Variants in LRRC37A2 observed in about 807,000 individuals in gnomAD.
LRRC37A2 encodes leucine-rich repeat-containing protein 37A2.
LRRC37A2 carries 9 observed loss-of-function variants against 68.8 expected under a neutral mutation model. The ratio of observed to expected loss-of-function variants is 0.13; its 90% confidence interval spans 0.08 to 0.23. LRRC37A2 has a LOEUF of 0.23. Among genes scored for constraint, LRRC37A2 ranks in the 10% least tolerant of loss-of-function variants. The probability of loss-of-function intolerance (pLI) is 1.00; values close to 1 mark genes in which losing one functional copy is unlikely to be tolerated. For synonymous variants in LRRC37A2, 63 were observed against 367.6 expected (o/e 0.17, Z 9.48); for missense variants, 168 against 950.4 (o/e 0.18, Z 10.82).
the LRRC37A2 span, among the ~76,000 whole-genome samples, chr17:46,776,739 A>G: frequency 6.6e-6 from 1 of 152,048 alleles, no homozygotes; most frequent in Non-Finnish European, 1.5e-5. Context: ...GCAGCTCAGG[A>G]ACAAGACCCA....
At chr17:46,872,509 C>G in the LRRC37A2 span, 1 of 1,476,740 alleles carries the variant, frequency 6.8e-7, no homozygotes, top group Non-Finnish European at 9.0e-7. Flanking sequence ...TCCTCTCGCT[C>G]TCTCTAGCCT....
chr17:46,816,178 A>AAC, the LRRC37A2 span, among the ~76,000 whole-genome samples: 1 of 125,588 alleles, frequency 8.0e-6, no homozygotes, highest in East Asian at 2.9e-4. Context: ...CCCAGTCATG[A>AAC]ACACAGTCAA....
the LRRC37A2 span, among the ~76,000 whole-genome samples, chr17:46,800,866 G>A: frequency 2.6e-5 from 4 of 152,188 alleles, no homozygotes; most frequent in African/African-American, 4.8e-5. Context: ...GGAAGGCTGC[G>A]CAGAGGAAGT....
chr17:46,862,245 TAAAAAA>T, the LRRC37A2 span, among the ~76,000 whole-genome samples: 21 of 151,480 alleles, frequency 1.4e-4, no homozygotes, highest in African/African-American at 4.8e-4. Context: ...CAAATAAACT[TAAAAAA>T]TAAAAATTAA....
the LRRC37A2 span, among the ~76,000 whole-genome samples, chr17:47,007,469 C>T: frequency 4.6e-5 from 7 of 152,290 alleles, no homozygotes; most frequent in South Asian, 2.1e-4. Flanking sequence ...TGAGCCACTG[C>T]GCCTGGCCGC....
At chr17:46,947,163 A>G in the LRRC37A2 span, among the ~76,000 whole-genome samples, 2 of 152,138 alleles carry the variant, frequency 1.3e-5, no homozygotes, top group Non-Finnish European at 2.9e-5. Flanking sequence ...AGGAACCCTC[A>G]GCTGTCTCTG....
At chr17:46,914,235 G>A in the LRRC37A2 span, among the ~76,000 whole-genome samples, 1 of 152,184 alleles carries the variant, frequency 6.6e-6, no homozygotes, top group Non-Finnish European at 1.5e-5. Flanking sequence ...ATTGGCACAG[G>A]TGGGACACAA....
At chr17:46,384,151 CT>C in the LRRC37A2 span, among the ~76,000 whole-genome samples, 6 of 70,858 alleles carry the variant, frequency 8.5e-5, no homozygotes, top group Admixed American at 1.5e-4. Flanking sequence ...ATCAATAACA[CT>C]GTTTTAATTG....
At chr17:46,877,357 T>C in the LRRC37A2 span, among the ~76,000 whole-genome samples, 1 of 152,220 alleles carries the variant, frequency 6.6e-6, no homozygotes, top group Admixed American at 6.5e-5. Context: ...ATCTGTGCCC[T>C]GGAGCCCTGT....
the LRRC37A2 span, chr17:46,937,859 C>T: frequency 1.3e-5 from 2 of 152,524 alleles, no homozygotes; most frequent in African/African-American, 2.4e-5. Flanking sequence ...CCATTGTTTT[C>T]AGTATGTATT....
At chr17:46,930,547 A>G in the LRRC37A2 span, 20 of 154,352 alleles carry the variant, frequency 1.3e-4, no homozygotes, top group African/African-American at 4.6e-4. Flanking sequence ...GGGGACGTCA[A>G]CATTGCTCAG....
At chr17:46,902,812 C>G in the LRRC37A2 span, among the ~76,000 whole-genome samples, 30 of 152,168 alleles carry the variant, frequency 2.0e-4, 1 homozygote, top group Admixed American at 2.0e-3. Flanking sequence ...CCGTTCTCCC[C>G]TGGGGAAGGG....
chr17:46,914,603 A>C, the LRRC37A2 span, among the ~76,000 whole-genome samples: 1 of 138,954 alleles, frequency 7.2e-6, no homozygotes, highest in Non-Finnish European at 1.5e-5. Flanking sequence ...GTGAGCTTAG[A>C]TCATGCCACT....
the LRRC37A2 span, chr17:46,768,267 C>T: frequency 6.2e-7 from 1 of 1,610,846 alleles, no homozygotes; most frequent in South Asian, 1.1e-5. The surrounding 1 kb of genome is among the most constrained non-coding windows in gnomAD (Gnocchi z 5.0). Flanking sequence ...ACCCCATTCC[C>T]TGCGCCCAGG....
the LRRC37A2 span, among the ~76,000 whole-genome samples, chr17:46,709,967 T>A: frequency 6.6e-6 from 1 of 152,130 alleles, no homozygotes; most frequent in Admixed American, 6.5e-5. Flanking sequence ...GTCTGAAAAA[T>A]TATTTTGTGG....
At chr17:47,033,840 G>T in the LRRC37A2 span, among the ~76,000 whole-genome samples, 5 of 152,166 alleles carry the variant, frequency 3.3e-5, no homozygotes, top group Admixed American at 1.3e-4. Flanking sequence ...ATCTAATAAG[G>T]CATATTTAAT....
the LRRC37A2 span, among the ~76,000 whole-genome samples, chr17:46,817,189 G>A: frequency 6.6e-5 from 10 of 152,158 alleles, no homozygotes; most frequent in South Asian, 2.1e-4. Context: ...TGGAAGACTC[G>A]GGGTGTGGCC....
chr17:46,970,696 T>C, the LRRC37A2 span, among the ~76,000 whole-genome samples: 1 of 152,132 alleles, frequency 6.6e-6, no homozygotes, highest in Non-Finnish European at 1.5e-5. Flanking sequence ...GGACGGGGGC[T>C]CAGAGACCCG....
At position 46,521,073 on chromosome 17, in the gene LRRC37A2, T is replaced by C. The variant is rs1373992461; in HGVS notation, c.2753+790T>C. On this transcript the variant is annotated intron_variant, in intron 4 of 14. Transcript: ENST00000576629. ...CTGGTAGAGCTAGAAATGTTTACAC[T>C]AAGAAGCACATCAGAAATGCCCCTA... Among the ~76,000 whole-genome samples, 3 of 79,402 alleles carry C rather than the reference T, an allele frequency of 3.8e-5. 1 individual carries two copies. The highest frequency in any genetic ancestry group is 1.1e-4 in the African/African-American group (3 of 26,962). 52.1% of individuals were successfully genotyped at this position (79,402 alleles called of 152,430 possible).
Sources: allele counts gnomAD v4.1 joint callset (sites outside exome capture counted in the v4.1 genomes callset), GRCh38; gene constraint gnomAD v4.1.1; non-coding constraint Gnocchi (gnomAD v3.1); transcripts MANE v1.5; gene names NCBI Gene and HGNC (gene_info 2026-07-23, HGNC 2026-07-21).